The following UNK variants were observed in gnomAD, a reference collection of about 807,000 sequenced individuals.
UNK encodes unk zinc finger.
UNK carries 32 observed loss-of-function variants against 97.6 expected under a neutral mutation model. That is an observed-to-expected ratio of 0.33 (90% CI 0.25 to 0.44). UNK has a LOEUF of 0.44. Ranked by LOEUF, UNK falls within the 20% of genes least tolerant of loss-of-function variation. The pLI is 1.00. For missense variants in UNK, 771 were observed against 1,098.4 expected, an observed-to-expected ratio of 0.70 and a Z score of 4.21; for synonymous variants, 441 against 461.2, an observed-to-expected ratio of 0.96 and a Z score of 0.56.
intron 6 of UNK, among the ~76,000 whole-genome samples, chr17:75,814,788 A>G (rs2143794358): frequency 6.6e-6 from 1 of 152,320 alleles, no homozygotes; most frequent in Non-Finnish European, 1.5e-5. Flanking sequence ...TATAGGTCAC[A>G]ACCCAGGGTA....
intron 1 of UNK, among the ~76,000 whole-genome samples, chr17:75,809,240 C>T (rs1287615363): frequency 2.0e-5 from 3 of 152,188 alleles, no homozygotes; most frequent in African/African-American, 7.2e-5. Flanking sequence ...CGAGGGATGC[C>T]TTGTGACCTG....
In UNK at chr17:75,809,878, A is replaced by G; in HGVS notation, c.223A>G (p.Ile75Val). ...HFVNQRRRRS[I>V]RRRDGTFNYS... ...CGTGAACCAGCGGCGCCGCCGGTCC[A>G]TCCGCCGTCGGGACGGCACCTTCAA... is the stretch of plus-strand genomic sequence containing the variant. Residue 75 changes from isoleucine (I) to valine (V), a missense_variant, in exon 2 of 16, where the codon ATC becomes GTC. This residue lies in a region of UNK where 246 missense variants were observed against 440.7 expected (regional missense o/e 0.56). Transcript: ENST00000589666. 4 of 1,613,876 alleles carry G rather than the reference A, an allele frequency of 2.5e-6. No homozygotes were observed. The highest frequency in any genetic ancestry group is 2.2e-5 in the East Asian group (1 of 44,886).
In UNK at chr17:75,815,177, G is replaced by A. The variant is rs973927455; in HGVS notation, c.885G>A (p.Lys295=). The part of the protein sequence containing the change: ...TEQQFHPEIY[K]STKCNDMQQS... ...TGTGCTCTGCCCTCCAGATCTACAAGTCCACCAAGTGCAACGACATGCAGC... is the reference window on the plus strand; with the variant it reads ...TGTGCTCTGCCCTCCAGATCTACAAATCCACCAAGTGCAACGACATGCAGC... Residue 295 remains lysine, a synonymous_variant, in exon 7 of 16, where the codon AAG becomes AAA. Coordinates refer to ENST00000589666, the MANE Select transcript of UNK (RefSeq NM_001080419.3). The A allele has an allele frequency of 8.1e-6, 13 of 1,612,978 alleles. No individual in the cohort carries two copies. The highest frequency in any genetic ancestry group is 9.3e-6 in the Non-Finnish European group (11 of 1,179,644).
At chr17:75,797,183 G>A (rs1273065206) in intron 1 of UNK, among the ~76,000 whole-genome samples, 1 of 152,104 alleles carries the variant, frequency 6.6e-6, no homozygotes, top group African/African-American at 2.4e-5. Context: ...ACTATGTCTT[G>A]CTTTTTAAAA....
At chr17:75,797,178 G>A (rs907230090) in intron 1 of UNK, among the ~76,000 whole-genome samples, 1 of 152,152 alleles carries the variant, frequency 6.6e-6, no homozygotes, top group African/African-American at 2.4e-5. Flanking sequence ...TTAGGACTAT[G>A]TCTTGCTTTT....
chr17:75,803,768 C>T (rs1005063471), intron 1 of UNK, among the ~76,000 whole-genome samples: 2 of 152,178 alleles, frequency 1.3e-5, no homozygotes, highest in African/African-American at 4.8e-5. Context: ...AGTTTGATGG[C>T]TTAGCAGTGG....
rs140461728 is a variant in UNK, at chr17:75,791,013, C to G, written c.104+6029C>G. 9.0e-4 allele frequency among the ~76,000 whole-genome samples: 137 copies of G among 152,068 alleles called. 5 individuals are homozygous for G. In the East Asian group the frequency reaches 0.02, roughly 22 times the overall value. The stretch of plus-strand genomic sequence containing the variant: ...AGTTTCTGACCTCATTGTTTTGACC[C>G]CATGAGAGGAAGTATACCTCAAAGA... On this transcript the variant is annotated intron_variant, in intron 1 of 15. Transcript: ENST00000589666.
At position 75,824,413 on chromosome 17, in the gene UNK, C is replaced by T. The variant is rs772068812; in HGVS notation, c.2429C>T (p.Ser810Leu). 1.2e-5 allele frequency: 18 copies of T among 1,528,692 alleles called. No homozygotes were observed. Among genetic ancestry groups the T allele is most frequent in the Admixed American group, 1.9e-5 (1 of 51,590 alleles). 94.7% of individuals were successfully genotyped at this position (1,528,692 alleles called of 1,614,324 possible). ...CCTGGCCGGGCCCACACCCTCCAGT[C>T]GTGACCCTGCAGGCCTGGCCCAGCC... ...CQPGRAHTLQ[S>L] is the part of the protein sequence containing the mutation. The change falls in exon 16 of 16, where the codon TCG becomes TTG. Residue 810 changes from serine to leucine, a missense_variant. By Grantham distance (145) the Ser-to-Leu change is moderately radical. Around this residue, in one of 5 missense-constraint regions of UNK, gnomAD observed 208 missense variants for 257.4 expected, o/e 0.81. Transcript: ENST00000589666. The surrounding 1 kb of genome is among the most constrained non-coding windows in gnomAD (Gnocchi z 4.9).
chr17:75,819,896 G>A lies in UNK; in HGVS notation c.1649-24G>A, dbSNP rs756386406. On this transcript the variant is annotated intron_variant, in intron 12 of 15. Transcript: ENST00000589666. This position sits in a 1 kb window ranked among gnomAD's most constrained non-coding sequence, Gnocchi z 5.4. ...GGCTTCCGCTGCCCTCACCCAGCCCGTCCTCCCCGGGCCTCTCTTGCAGGC... is the reference window on the plus strand; with the variant it reads ...GGCTTCCGCTGCCCTCACCCAGCCCATCCTCCCCGGGCCTCTCTTGCAGGC... The A allele has an allele frequency of 1.4e-5, 22 of 1,602,072 alleles. No individual in the cohort carries two copies. Among genetic ancestry groups the A allele is most frequent in the Admixed American group, 6.8e-5 (4 of 58,624 alleles).
At position 75,803,946 on chromosome 17, in the gene UNK, G is replaced by A. The variant is rs2061886898; in HGVS notation, c.105-5814G>A. ...CAACCTAAAACTCCAAAGTAAAACA[G>A]TGCTTATGCAAACCCTATGCTTCAG... is the stretch of plus-strand genomic sequence containing the variant. On this transcript the variant is annotated intron_variant, in intron 1 of 15. Transcript: ENST00000589666. 2.6e-5 allele frequency among the ~76,000 whole-genome samples: 4 copies of A among 152,246 alleles called. No homozygotes were observed. In the South Asian group the frequency reaches 8.3e-4, roughly 31 times the overall value.
chr17:75,790,697 G>A (rs764561011), intron 1 of UNK, among the ~76,000 whole-genome samples: 7 of 152,048 alleles, frequency 4.6e-5, no homozygotes, highest in Non-Finnish European at 1.0e-4. Context: ...TTGGGAGGCC[G>A]AGGCGAGTGG....
At chr17:75,786,701 C>CA (rs1028302487) in intron 1 of UNK, among the ~76,000 whole-genome samples, 8 of 152,036 alleles carry the variant, frequency 5.3e-5, no homozygotes, top group Non-Finnish European at 8.8e-5. Context: ...ACTAAAAATA[C>CA]AAAAAATTAG....
At chr17:75,785,069 G>A in intron 1 of UNK, 85 bp downstream of exon 1, 1 of 976,194 alleles carries the variant, frequency 1.0e-6, no homozygotes, top group South Asian at 1.9e-5. Context: ...GAGAGCGCGA[G>A]GCGGCCTCTT....
chr17:75,824,764 C>T lies in UNK; in HGVS notation c.*347C>T, dbSNP rs2062103399. ...ATGACATCCCCTCTTCTCCCACTGG[C>T]CTTTTGGCAGAGAATCTGGTTCTGT... On this transcript the variant is annotated 3_prime_UTR_variant, in exon 16 of 16. Transcript: ENST00000589666. The surrounding 1 kb of genome is among the most constrained non-coding windows in gnomAD (Gnocchi z 4.9). 1 of 153,580 alleles carries T rather than the reference C, an allele frequency of 6.5e-6. No homozygotes were observed. Among genetic ancestry groups the T allele is most frequent in the African/African-American group, 2.4e-5 (1 of 41,468 alleles). 9.5% of individuals were successfully genotyped at this position (153,580 alleles called of 1,614,324 possible).
chr17:75,798,428 C>T (rs530991150), intron 1 of UNK, among the ~76,000 whole-genome samples: 14 of 151,856 alleles, frequency 9.2e-5, no homozygotes, highest in Non-Finnish European at 1.8e-4. Flanking sequence ...TGGTCTTGAA[C>T]TCCTGACCTC....
chr17:75,785,083 C>A (rs1397853447), intron 1 of UNK, 99 bp downstream of exon 1: 9 of 737,582 alleles, frequency 1.2e-5, no homozygotes, highest in African/African-American at 6.6e-5. Context: ...GCCTCTTCCT[C>A]CCCCCCTTCC....
rs756508211 is a variant in UNK at position 75,819,784 on chromosome 17, C to T, written c.1647C>T (p.Ile549=). The T allele has an allele frequency of 6.2e-6, 10 of 1,613,654 alleles. No individual in the cohort carries two copies. The highest frequency in any genetic ancestry group is 4.5e-5 in the East Asian group (2 of 44,906). ...TGCCCCACCCAGGAAGCATCACCAT[C>T]GGTACTGGGTGTGGGTGGGCAGGGC... ...STVPHPGSIT[I]GGSLLQSSAP... The change falls in exon 12 of 16, where the codon ATC becomes ATT. Residue 549 remains isoleucine, a splice_region_variant and synonymous_variant. Coordinates refer to ENST00000589666, the MANE Select transcript of UNK (RefSeq NM_001080419.3). This position sits in a 1 kb window ranked among gnomAD's most constrained non-coding sequence, Gnocchi z 5.4.
At chr17:75,790,642 A>C (rs947667230) in intron 1 of UNK, among the ~76,000 whole-genome samples, 1 of 151,476 alleles carries the variant, frequency 6.6e-6, no homozygotes, top group African/African-American at 2.4e-5. Context: ...AAAATAAATA[A>C]ATAATTGGCT....
chr17:75,811,589 C>A (rs1378947513), intron 2 of UNK, among the ~76,000 whole-genome samples: 2 of 152,244 alleles, frequency 1.3e-5, no homozygotes, highest in Non-Finnish European at 2.9e-5. Context: ...CTGTTGGGCC[C>A]CATTTAGGCT....
Sources: allele counts gnomAD v4.1 joint callset (sites outside exome capture counted in the v4.1 genomes callset), GRCh38; gene constraint gnomAD v4.1.1; regional missense constraint gnomAD v4.1.1; non-coding constraint Gnocchi (gnomAD v3.1); transcripts MANE v1.5; gene names NCBI Gene and HGNC (gene_info 2026-07-23, HGNC 2026-07-21).